TNFRSF8: variants seen among roughly 807,000 people sequenced by gnomAD.
TNFRSF8 encodes tumor necrosis factor receptor superfamily member 8.
A neutral mutation model predicts 70.8 loss-of-function variants in TNFRSF8; 26 were observed. The ratio of observed to expected loss-of-function variants is 0.37; its 90% CI spans 0.27 to 0.51. TNFRSF8 has a LOEUF of 0.51. Among genes scored for constraint, TNFRSF8 ranks in the 20% least tolerant of loss-of-function variants. TNFRSF8 has a pLI of 0.94. For missense variants in TNFRSF8, 720 were observed against 807.9 expected (o/e 0.89, Z 1.32); for synonymous variants, 356 against 339.2 (o/e 1.05, Z -0.54).
At chr1:12,079,750 G>T (rs148730679) in intron 1 of TNFRSF8, among the ~76,000 whole-genome samples, 1 of 152,064 alleles carries the variant, frequency 6.6e-6, no homozygotes, top group Non-Finnish European at 1.5e-5. Flanking sequence ...CAGCCCCTCC[G>T]CACAGCAAGA....
rs192932636 is a variant in TNFRSF8 at position 12,066,309 on chromosome 1, A to T, written c.63+2648A>T. On this transcript the variant is annotated intron_variant, in intron 1 of 14. Transcript: ENST00000263932. ...AAAGGTTCGGGAAGCTCGTTATTTT[A>T]AAAAAAAAATCCCAAATTAGGGCTT... Among the ~76,000 whole-genome samples the T allele has an allele frequency of 1.1e-3, 153 of 145,122 alleles. No homozygotes were observed. In the East Asian group the frequency reaches 0.015, roughly 14 times the overall value.
At position 12,138,186 on chromosome 1, in the gene TNFRSF8, A is replaced by C. The variant is rs1466919674; in HGVS notation, c.1336-43A>C. On this transcript the variant is annotated intron_variant, in intron 13 of 14. Coordinates refer to ENST00000263932, the MANE Select transcript of TNFRSF8 (RefSeq NM_001243.5). This position sits in a 1 kb window ranked among gnomAD's most constrained non-coding sequence, Gnocchi z 5.7. The stretch of plus-strand genomic sequence containing the variant: ...CCTCCCAGTTCAGAGACTGGTGGGG[A>C]GGTTGGGGGTACCCTGCAGCAGCAC... 1 of 1,592,452 alleles carries C rather than the reference A, an allele frequency of 6.3e-7. No homozygotes were observed. Among genetic ancestry groups the C allele is most frequent in the African/African-American group, 1.4e-5 (1 of 73,744 alleles).
intron 12 of TNFRSF8, among the ~76,000 whole-genome samples, chr1:12,127,471 G>A (rs1313953927): frequency 6.6e-6 from 1 of 152,242 alleles, no homozygotes. Context: ...CCCCCTGCCA[G>A]CTCTGTCCAC....
In TNFRSF8 at chr1:12,142,112, T is replaced by G. The variant is rs1642263375; in HGVS notation, c.1544-175T>G. Among the ~76,000 whole-genome samples, 1 of 152,174 alleles carries G rather than the reference T, an allele frequency of 6.6e-6. No homozygotes were observed. Among genetic ancestry groups the G allele is most frequent in the Non-Finnish European group, 1.5e-5 (1 of 68,038 alleles). On this transcript the variant is annotated intron_variant, in intron 14 of 14. Transcript: ENST00000263932. The surrounding 1 kb of genome is among the most constrained non-coding windows in gnomAD (Gnocchi z 5.0). The stretch of plus-strand genomic sequence containing the variant: ...TCCTCAAGGCCCAGCTCCTAGCTGT[T>G]CTATTTCCTCTGAGCCCCCAGGATG...
chr1:12,127,370 G>T (rs941147386), intron 12 of TNFRSF8, among the ~76,000 whole-genome samples: 7 of 152,254 alleles, frequency 4.6e-5, no homozygotes, highest in Admixed American at 3.9e-4. Flanking sequence ...CTGGCCCAGG[G>T]CCACACAGCC....
At chr1:12,104,011 C>T (rs1475073120) in intron 3 of TNFRSF8, among the ~76,000 whole-genome samples, 4 of 152,082 alleles carry the variant, frequency 2.6e-5, no homozygotes, top group Admixed American at 6.6e-5. Context: ...GTCCTGAGCT[C>T]GTTGGTTCAC....
chr1:12,099,367 A>C (rs1194219831), intron 3 of TNFRSF8, among the ~76,000 whole-genome samples: 1 of 151,424 alleles, frequency 6.6e-6, no homozygotes, highest in Non-Finnish European at 1.5e-5. Flanking sequence ...CTGGTCTCAA[A>C]CTCCTGACCT....
At chr1:12,104,625 C>T (rs529983749) in intron 4 of TNFRSF8, 94 bp downstream of exon 4, 33 of 1,452,326 alleles carry the variant, frequency 2.3e-5, no homozygotes, top group Middle Eastern at 1.7e-4. Context: ...TCCGACCTCC[C>T]GCTTCCCGGA....
chr1:12,071,845 G>A (rs922808877), intron 1 of TNFRSF8, among the ~76,000 whole-genome samples: 1 of 152,074 alleles, frequency 6.6e-6, no homozygotes, highest in Non-Finnish European at 1.5e-5. Flanking sequence ...TTACAAGCAC[G>A]TGCCACCATG....
intron 12 of TNFRSF8, among the ~76,000 whole-genome samples, chr1:12,133,196 G>A (rs2101040148): frequency 6.6e-6 from 1 of 152,224 alleles, no homozygotes; most frequent in Admixed American, 6.5e-5. Context: ...GGTTTTTGTT[G>A]CCAGATGGCT....
At chr1:12,139,216 A>G (rs1557608801) in intron 14 of TNFRSF8, among the ~76,000 whole-genome samples, 3 of 152,232 alleles carry the variant, frequency 2.0e-5, no homozygotes, top group Non-Finnish European at 2.9e-5. Flanking sequence ...GAATTCCAGC[A>G]TTCTTATTCC....
intron 14 of TNFRSF8, among the ~76,000 whole-genome samples, chr1:12,140,998 G>C (rs1642243035): frequency 6.6e-6 from 1 of 152,100 alleles, no homozygotes. Flanking sequence ...TCTGTTTTGG[G>C]GTCTGTGGGG....
At chr1:12,087,354 G>A (rs1396441287) in intron 2 of TNFRSF8, among the ~76,000 whole-genome samples, 20 of 151,956 alleles carry the variant, frequency 1.3e-4, no homozygotes. Context: ...TTTTAGTAGA[G>A]ATGGGGTTTC....
chr1:12,141,645 G>A lies in TNFRSF8; in HGVS notation c.1544-642G>A, dbSNP rs1046189359. 2.6e-5 allele frequency among the ~76,000 whole-genome samples: 4 copies of A among 152,236 alleles called. No homozygotes were observed. Among genetic ancestry groups the A allele is most frequent in the African/African-American group, 9.6e-5 (4 of 41,462 alleles). ...GCTGGCTGAGTTTGCCCGGACCGAG[G>A]GGACTCCCAGGACACGGGACTTGCA... On this transcript the variant is annotated intron_variant, in intron 14 of 14. Coordinates refer to ENST00000263932, the MANE Select transcript of TNFRSF8 (RefSeq NM_001243.5). The surrounding 1 kb of genome is among the most constrained non-coding windows in gnomAD (Gnocchi z 5.4).
intron 12 of TNFRSF8, among the ~76,000 whole-genome samples, chr1:12,126,854 C>G (rs745675843): frequency 1.3e-5 from 2 of 152,240 alleles, no homozygotes; most frequent in African/African-American, 2.4e-5. Flanking sequence ...CTGTTAAGCG[C>G]ATCGTGGAGT....
chr1:12,105,373 C>T (rs571093565), intron 4 of TNFRSF8, among the ~76,000 whole-genome samples: 3 of 152,100 alleles, frequency 2.0e-5, no homozygotes, highest in South Asian at 2.1e-4. Flanking sequence ...ATCCTTCCCT[C>T]GTTCCCTCAT....
At chr1:12,133,175 A>G (rs1313581661) in intron 12 of TNFRSF8, among the ~76,000 whole-genome samples, 3 of 152,118 alleles carry the variant, frequency 2.0e-5, no homozygotes, top group Admixed American at 6.5e-5. Flanking sequence ...ATGACTGGGT[A>G]AAGAGTGTGA....
At chr1:12,094,353 C>A (rs910881079) in intron 2 of TNFRSF8, among the ~76,000 whole-genome samples, 4 of 152,102 alleles carry the variant, frequency 2.6e-5, no homozygotes, top group Admixed American at 6.5e-5. Flanking sequence ...GGGCAGAGGA[C>A]CAGCTTGTGC....
At chr1:12,093,933 T>C (rs1216122030) in intron 2 of TNFRSF8, among the ~76,000 whole-genome samples, 2 of 151,820 alleles carry the variant, frequency 1.3e-5, no homozygotes, top group Non-Finnish European at 2.9e-5. Context: ...TAACCGGTCA[T>C]GGTGGTGATT....
Sources: gnomAD v4.1 joint callset for allele counts (sites outside exome capture counted in the v4.1 genomes callset) on GRCh38, gnomAD v4.1.1 for gene constraint, Gnocchi (gnomAD v3.1) non-coding constraint, MANE v1.5 for transcripts, NCBI Gene and HGNC (gene_info 2026-07-23, HGNC 2026-07-21) for gene names.